PLD2: variants seen among roughly 807,000 people sequenced by gnomAD.
PLD2 encodes the protein choline phosphatase 2.
PLD2 carries 101 observed loss-of-function variants against 119.8 expected under a neutral mutation model. The observed-to-expected ratio is 0.84, with a 90% CI of 0.72 to 0.99. The LOEUF is 0.99. PLD2 is among the 50% of genes least tolerant of loss of function. The pLI, the probability that PLD2 is intolerant of heterozygous loss-of-function variation, is 0.00. For missense variants in PLD2, 1,164 were observed against 1,226.8 expected (o/e 0.95, Z 0.76); for synonymous variants, 494 against 482.8 (o/e 1.02, Z -0.30).
chr17:4,809,910 C>T lies in PLD2; in HGVS notation c.741C>T (p.Tyr247=). Residue 247 remains tyrosine (Y), a synonymous_variant, in exon 9 of 25, where the codon TAC becomes TAT. Coordinates refer to ENST00000263088, the MANE Select transcript of PLD2 (RefSeq NM_002663.5). ...WLVVKDSFLL[Y]MCLETGAISF... ...TGGTGAAGGACTCCTTCCTGCTGTACATGTGCCTCGAGACAGGTGCCATCT... is the reference window on the plus strand; with the variant it reads ...TGGTGAAGGACTCCTTCCTGCTGTATATGTGCCTCGAGACAGGTGCCATCT... The T allele has an allele frequency of 1.2e-6, 2 of 1,614,198 alleles. No homozygotes were observed. The highest frequency in any genetic ancestry group is 1.7e-6 in the Non-Finnish European group (2 of 1,180,050).
chr17:4,822,303 C>T (rs1435095654), intron 24 of PLD2, among the ~76,000 whole-genome samples: 2 of 150,794 alleles, frequency 1.3e-5, no homozygotes, highest in Non-Finnish European at 2.9e-5. Context: ...ACCTGGGCAA[C>T]AAGAGCAAAA....
In PLD2 at chr17:4,819,530, G is replaced by A. The variant is rs11545163; in HGVS notation, c.2410G>A (p.Ala804Thr). 7.2e-3 allele frequency: 11,556 copies of A among 1,613,958 alleles called. 686 individuals carry two copies. In the African/African-American group the frequency reaches 0.13, roughly 18 times the overall value. The change falls in exon 23 of 25, where the codon GCA (alanine) becomes ACA (threonine). Residue 804 changes from alanine to threonine, a missense_variant. Transcript: ENST00000263088. The surrounding 1 kb of genome is among the most constrained non-coding windows in gnomAD (Gnocchi z 4.2). ...GACGGAACCATCCCTCATGAATGGGGCAGAGTATCAGGCGGGCAGGTTTGC... is the reference window on the plus strand; with the variant it reads ...GACGGAACCATCCCTCATGAATGGGACAGAGTATCAGGCGGGCAGGTTTGC... The part of the protein sequence containing the change: ...TETEPSLMNG[A>T]EYQAGRFALS...
At chr17:4,817,497 C>A (rs911076735) in intron 17 of PLD2, 5 of 512,166 alleles carry the variant, frequency 9.8e-6, no homozygotes, top group African/African-American at 7.7e-5. Context: ...CCCATCTCTA[C>A]TAAAAATACA....
intron 10 of PLD2, among the ~76,000 whole-genome samples, chr17:4,813,790 C>T (rs1597327081): frequency 6.6e-6 from 1 of 152,222 alleles, no homozygotes; most frequent in African/African-American, 2.4e-5. Context: ...ACCCAAGAGG[C>T]GGAGGTTGCA....
In PLD2 at chr17:4,817,997, C is replaced by T. The variant is rs371938304; in HGVS notation, c.1816-5C>T. On this transcript the variant is annotated splice_region_variant and splice_polypyrimidine_tract_variant and intron_variant, in intron 17 of 24. Coordinates refer to ENST00000263088, the MANE Select transcript of PLD2 (RefSeq NM_002663.5). Reference sequence around the variant, plus strand: ...ATGAAGCACATCGCATTCACCATTCCCTAGGTCTTGCGATCAGTGGACCGC... The same window carrying T: ...ATGAAGCACATCGCATTCACCATTCTCTAGGTCTTGCGATCAGTGGACCGC... 4.6e-5 allele frequency: 73 copies of T among 1,597,232 alleles called. No homozygotes were observed. In the African/African-American group the frequency reaches 8.7e-4, roughly 19 times the overall value.
rs1906000919 is a variant in PLD2 at position 4,807,660 on chromosome 17, A to G, written c.-1-112A>G. 2 of 657,772 alleles carry G rather than the reference A, an allele frequency of 3.0e-6. No individual in the cohort carries two copies. The highest frequency in any genetic ancestry group is 3.5e-5 in the South Asian group (2 of 57,416). The allele number at this position is 657,772 out of a possible 1,614,324, so 40.7% of individuals were successfully genotyped here. A position where few individuals can be genotyped will look rare whatever the true frequency, so the allele number is the denominator to read the frequency against. ...CAGGCGTCATCCGCGGGCGGTCAGGAGGCCGTGGGGGAAGAGGAGGATCTG... is the reference window on the plus strand; with the variant it reads ...CAGGCGTCATCCGCGGGCGGTCAGGGGGCCGTGGGGGAAGAGGAGGATCTG... On this transcript the variant is annotated intron_variant, in intron 1 of 24. Transcript: ENST00000263088. This position sits in a 1 kb window ranked among gnomAD's most constrained non-coding sequence, Gnocchi z 5.4.
Position 4,822,492 on chromosome 17 carries a change from C to CAA in PLD2, c.2578-138_2578-137dup, listed in dbSNP as rs112032023. The CAA allele has an allele frequency of 9.9e-3, 4,833 of 489,940 alleles. 1 individual carries two copies. The highest frequency in any genetic ancestry group is 0.011 in the Non-Finnish European group (3,080 of 277,474). The allele number at this position is 489,940 out of a possible 1,614,324, so 30.3% of individuals were successfully genotyped here. ...GGGCAAAAAGAGTGAAACTCCGTCT[C>CAA]AAAAAAAAAAAGAGAGAGAGAGTTA... is the stretch of plus-strand genomic sequence containing the variant. On this transcript the variant is annotated intron_variant, in intron 24 of 24. Transcript: ENST00000263088.
Position 4,807,694 on chromosome 17 carries a change from G to A in PLD2, c.-1-78G>A. ...GGGAAGAGGAGGATCTGGAAGAGATGGAGGACCTGCGGGAGTTAGGATGGG... is the reference window on the plus strand; with the variant it reads ...GGGAAGAGGAGGATCTGGAAGAGATAGAGGACCTGCGGGAGTTAGGATGGG... On this transcript the variant is annotated intron_variant, in intron 1 of 24. Transcript: ENST00000263088. This position sits in a 1 kb window ranked among gnomAD's most constrained non-coding sequence, Gnocchi z 5.4. 1.3e-6 allele frequency: 1 copy of A among 794,852 alleles called. No homozygotes were observed. Among genetic ancestry groups the A allele is most frequent in the East Asian group, 2.5e-5 (1 of 40,522 alleles). 49.2% of individuals were successfully genotyped at this position (794,852 alleles called of 1,614,324 possible).
At position 4,815,890 on chromosome 17, in the gene PLD2, C is replaced by T. The variant is rs752087731; in HGVS notation, c.1411C>T (p.Arg471Ter). 2.2e-5 allele frequency: 36 copies of T among 1,613,956 alleles called. No individual in the cohort carries two copies. Among genetic ancestry groups the T allele is most frequent in the African/African-American group, 6.7e-5 (5 of 74,898 alleles). Residue 471 changes from arginine to a stop codon, truncating the protein, a stop_gained, in exon 14 of 25, where the codon CGA (arginine) becomes TGA (stop). Coordinates refer to ENST00000263088, the MANE Select transcript of PLD2 (RefSeq NM_002663.5). LOFTEE classifies it high-confidence loss of function. ...TGGCCGCTGGGATGACCTGCACTACCGACTGACTGACCTTGGAGACTCCTC... is the reference window on the plus strand; with the variant it reads ...TGGCCGCTGGGATGACCTGCACTACTGACTGACTGACCTTGGAGACTCCTC... ...AYGRWDDLHYRLTDLGDSSES... is the reference protein window; with the variant it reads ...AYGRWDDLHY
intron 21 of PLD2, 123 bp downstream of exon 21, chr17:4,818,946 C>T (rs1907337682): frequency 1.3e-6 from 2 of 1,484,370 alleles, no homozygotes; most frequent in Non-Finnish European, 9.2e-7. Flanking sequence ...CTACGCAGAC[C>T]ATAGCTGGCC....
chr17:4,818,165 G>A (rs2150678197), intron 18 of PLD2, 59 bp downstream of exon 18: 2 of 1,427,490 alleles, frequency 1.4e-6, no homozygotes, highest in East Asian at 2.3e-5. Flanking sequence ...GAGAGACCTG[G>A]GGAATGAGTG....
intron 12 of PLD2, among the ~76,000 whole-genome samples, 157 bp from the exon 13 acceptor site, chr17:4,815,319 G>A (rs879127728): frequency 6.6e-6 from 1 of 151,980 alleles, no homozygotes; most frequent in South Asian, 2.1e-4. Flanking sequence ...ATGACATTTA[G>A]TCTAAGTCTG....
At chr17:4,818,204 G>C in intron 18 of PLD2, 93 bp from the exon 19 acceptor site, 7 of 1,424,814 alleles carry the variant, frequency 4.9e-6, no homozygotes, top group Non-Finnish European at 4.9e-6. Context: ...TGGTGGAGCA[G>C]AAGCAGACGC....
chr17:4,816,842 T>C, intron 15 of PLD2, 95 bp from the exon 16 acceptor site: 1 of 1,586,182 alleles, frequency 6.3e-7, no homozygotes, highest in Non-Finnish European at 8.6e-7. Context: ...TCAACGGTGG[T>C]ACAGCCCTCC....
intron 23 of PLD2, 138 bp from the exon 24 acceptor site, chr17:4,821,655 A>T: frequency 1.7e-6 from 1 of 601,166 alleles, no homozygotes; most frequent in Non-Finnish European, 3.0e-6. Context: ...TCATCCTCCC[A>T]AAGTGCTGGG....
At chr17:4,817,385 A>G (rs756794273) in intron 17 of PLD2, 126 bp downstream of exon 17, 76 of 741,546 alleles carry the variant, frequency 1.0e-4, no homozygotes, top group Middle Eastern at 3.6e-4. Flanking sequence ...CATCACGGCC[A>G]GGCACGGTGG....
At chr17:4,814,538 T>C in intron 11 of PLD2, 37 bp downstream of exon 11, 1 of 1,612,840 alleles carries the variant, frequency 6.2e-7, no homozygotes, top group Non-Finnish European at 8.5e-7. Context: ...TGGGGCAGGA[T>C]AGAGCCTGGG....
At chr17:4,818,242 C>T (rs1399005147) in intron 18 of PLD2, 55 bp from the exon 19 acceptor site, 19 of 1,534,384 alleles carry the variant, frequency 1.2e-5, no homozygotes, top group South Asian at 4.5e-5. Flanking sequence ...GGCTGGAGGC[C>T]GAGGACAGGG....
Position 4,818,058 on chromosome 17 carries a change from T to C in PLD2, c.1872T>C (p.Asn624=). Residue 624 remains asparagine, a synonymous_variant, in exon 18 of 25, where the codon AAT becomes AAC. Coordinates refer to ENST00000263088, the MANE Select transcript of PLD2 (RefSeq NM_002663.5). ...GGACTCTGGAGAACTCCATCCTCAA[T>C]GCCTACCTGCACACCATCAGGGAGA... ...SAGTLENSIL[N]AYLHTIRESQ... is the part of the protein sequence containing the mutation. 6.2e-7 allele frequency: 1 copy of C among 1,614,160 alleles called. No individual in the cohort carries two copies. Among genetic ancestry groups the C allele is most frequent in the African/African-American group, 1.3e-5 (1 of 75,070 alleles).
Sources: allele counts gnomAD v4.1 joint callset (sites outside exome capture counted in the v4.1 genomes callset), GRCh38; gene constraint gnomAD v4.1.1; non-coding constraint Gnocchi (gnomAD v3.1); transcripts MANE v1.5; gene names NCBI Gene and HGNC (gene_info 2026-07-23, HGNC 2026-07-21).